The following CARHSP1 variants were observed in gnomAD, a reference collection of about 807,000 sequenced individuals.
CARHSP1 encodes calcium regulated heat stable protein 1.
A neutral mutation model predicts 12.5 loss-of-function variants in CARHSP1; 14 were observed. The ratio of observed to expected loss-of-function variants is 1.12; its 90% CI spans 0.74 to 1.75. The LOEUF is 1.75. Among genes scored for constraint, CARHSP1 ranks in the 40% most tolerant of loss-of-function variants. The probability of loss-of-function intolerance (pLI) is 0.00; values close to 1 mark genes in which losing one functional copy is unlikely to be tolerated. For synonymous variants in CARHSP1, 161 were observed against 82.0 expected (o/e 1.96, Z -5.20); for missense variants, 343 against 201.6 (o/e 1.70, Z -4.25).
At chr16:8,862,335 A>T (rs971243503) in intron 1 of CARHSP1, among the ~76,000 whole-genome samples, 20 of 152,056 alleles carry the variant, frequency 1.3e-4, no homozygotes, top group Admixed American at 6.6e-5. Flanking sequence ...CACACTAAGC[A>T]CTGGGCACAC....
At chr16:8,866,507 C>T in intron 1 of CARHSP1, 1 of 982,552 alleles carries the variant, frequency 1.0e-6, no homozygotes, top group Non-Finnish European at 1.2e-6. Context: ...GAGCCCCAGC[C>T]TGGGAGAACT....
Position 8,854,207 on chromosome 16 carries a change from A to C in CARHSP1, c.*957T>G, listed in dbSNP as rs1016439131. The C allele has an allele frequency of 6.6e-6, 1 of 152,168 alleles. No homozygotes were observed. The highest frequency in any genetic ancestry group is 1.5e-5 in the Non-Finnish European group (1 of 68,004). 9.4% of individuals were successfully genotyped at this position (152,168 alleles called of 1,614,324 possible). A position where few individuals can be genotyped will look rare whatever the true frequency, so the allele number is the denominator to read the frequency against. On this transcript the variant is annotated 3_prime_UTR_variant, in exon 4 of 4. Transcript: ENST00000311052. ...CTAAGCATTTCTTAACACTAGTTTT[A>C]AAGAAAACCCCCTCTCCAAAGGTAT...
intron 2 of CARHSP1, 49 bp downstream of exon 2, chr16:8,859,122 A>T: frequency 6.6e-7 from 1 of 1,505,524 alleles, no homozygotes; most frequent in Non-Finnish European, 9.0e-7. Context: ...CTCTGGCCTC[A>T]GGCAAGAGAT....
At chr16:8,861,483 C>G (rs189265889) in intron 1 of CARHSP1, among the ~76,000 whole-genome samples, 35 of 152,014 alleles carry the variant, frequency 2.3e-4, no homozygotes, top group African/African-American at 8.0e-4. Context: ...CCGCACCCCC[C>G]GAACCGCCTT....
chr16:8,855,618 T>G (rs1308132668), intron 3 of CARHSP1, among the ~76,000 whole-genome samples: 1 of 152,090 alleles, frequency 6.6e-6, no homozygotes, highest in Admixed American at 6.5e-5. Context: ...ACATGAAATG[T>G]GGGAGGGAGC....
chr16:8,867,928 G>C (rs1168885012), intron 1 of CARHSP1: 2 of 152,318 alleles, frequency 1.3e-5, no homozygotes, highest in Non-Finnish European at 2.9e-5. Flanking sequence ...GTAGATCTAA[G>C]CGGATTGTTT....
At chr16:8,864,074 C>T (rs1285484168) in intron 1 of CARHSP1, among the ~76,000 whole-genome samples, 2 of 152,188 alleles carry the variant, frequency 1.3e-5, no homozygotes, top group African/African-American at 4.8e-5. Flanking sequence ...CAAACTTCGA[C>T]CAAATGTCAC....
At chr16:8,868,315 C>G (rs943574722) in intron 1 of CARHSP1, 1 of 152,150 alleles carries the variant, frequency 6.6e-6, no homozygotes, top group East Asian at 1.9e-4. Context: ...ATTTCACTTC[C>G]GGCCTGCAAA....
chr16:8,862,160 G>A (rs902835013), intron 1 of CARHSP1, among the ~76,000 whole-genome samples: 3 of 151,650 alleles, frequency 2.0e-5, no homozygotes, highest in East Asian at 1.9e-4. Flanking sequence ...CCGCCATCAC[G>A]CCCGGCTAAT....
At chr16:8,858,211 C>T in intron 3 of CARHSP1, 139 bp downstream of exon 3, 3 of 1,019,194 alleles carry the variant, frequency 2.9e-6, no homozygotes, top group Non-Finnish European at 4.2e-6. Flanking sequence ...GCTGGAGCAC[C>T]AGCCACAGGC....
At chr16:8,858,321 C>A in intron 3 of CARHSP1, 29 bp downstream of exon 3, 1 of 1,609,306 alleles carries the variant, frequency 6.2e-7, no homozygotes. Flanking sequence ...CCACCCCAGC[C>A]AGGCCACCCA....
chr16:8,860,134 G>C, intron 1 of CARHSP1: 1 of 985,472 alleles, frequency 1.0e-6, no homozygotes, highest in Non-Finnish European at 1.2e-6. Flanking sequence ...CCAGGGAACT[G>C]TGGAACACGT....
chr16:8,859,409 T>C lies in CARHSP1; in HGVS notation c.-7-74A>G, dbSNP rs577673660. ...CCCTGTGCTTACCCCCATGTCCACG[T>C]CTGACAGTCCAGTATCTGAGGCTCA... On this transcript the variant is annotated intron_variant, in intron 1 of 3. Transcript: ENST00000311052. 4 of 1,338,994 alleles carry C rather than the reference T, an allele frequency of 3.0e-6. No individual in the cohort carries two copies. The East Asian group carries it at 1.0e-4, about 33-fold the overall frequency. The allele number at this position is 1,338,994 out of a possible 1,614,324, so 82.9% of individuals were successfully genotyped here. A position where few individuals can be genotyped will look rare whatever the true frequency, so the allele number is the denominator to read the frequency against.
intron 2 of CARHSP1, 87 bp from the exon 3 acceptor site, chr16:8,858,559 C>A: frequency 6.5e-7 from 1 of 1,528,876 alleles, no homozygotes; most frequent in South Asian, 1.2e-5. Flanking sequence ...AGCTGTGCCC[C>A]ATCAAGCCCT....
chr16:8,867,931 G>A (rs2061476853), intron 1 of CARHSP1: 1 of 152,356 alleles, frequency 6.6e-6, no homozygotes, highest in Non-Finnish European at 1.5e-5. Context: ...GATCTAAGCG[G>A]ATTGTTTTTC....
intron 1 of CARHSP1, among the ~76,000 whole-genome samples, chr16:8,861,199 T>TTTTTTTTTTTTTTTTTA (rs1567187143): frequency 1.7e-5 from 1 of 60,570 alleles, no homozygotes; most frequent in Non-Finnish European, 3.2e-5. Flanking sequence ...TTTTTTTTTT[T>TTTTTTTTTTTTTTTTTA]ATAGAGACAG....
At position 8,858,425 on chromosome 16, in the gene CARHSP1, C is replaced by T. The variant is rs369859298; in HGVS notation, c.206G>A (p.Cys69Tyr). 271 of 1,613,926 alleles carry T rather than the reference C, an allele frequency of 1.7e-4. 2 individuals are homozygous for T. The highest frequency in any genetic ancestry group is 1.6e-4 in the Non-Finnish European group (191 of 1,180,024). ...QGPVYKGVCK[C>Y]FCRSKGHGFI... Reference sequence around the variant, plus strand: ...GCCATGGCCCTTGGACCGGCAGAAGCATTTGCAGACTCCTTTGTAGACGGG... The same window carrying T: ...GCCATGGCCCTTGGACCGGCAGAAGTATTTGCAGACTCCTTTGTAGACGGG... Residue 69 changes from cysteine (C) to tyrosine (Y), a missense_variant, in exon 3 of 4, where the codon TGC (cysteine) becomes TAC (tyrosine). Cys to Tyr is a radical substitution (Grantham distance 194, BLOSUM62 -2). Coordinates refer to ENST00000311052, the MANE Select transcript of CARHSP1 (RefSeq NM_014316.4).
chr16:8,866,270 G>A (rs1047564916), intron 1 of CARHSP1, among the ~76,000 whole-genome samples: 2 of 152,188 alleles, frequency 1.3e-5, no homozygotes, highest in Admixed American at 6.5e-5. Flanking sequence ...TTTCTAAGGC[G>A]CTCCCAGTGA....
chr16:8,862,613 C>T (rs1402790784), intron 1 of CARHSP1, among the ~76,000 whole-genome samples: 2 of 152,120 alleles, frequency 1.3e-5, no homozygotes, highest in African/African-American at 4.8e-5. Flanking sequence ...CCTGCAGGAC[C>T]CTGAACAGCA....
Sources: allele counts gnomAD v4.1 joint callset (sites outside exome capture counted in the v4.1 genomes callset), GRCh38; gene constraint gnomAD v4.1.1; transcripts MANE v1.5; gene names NCBI Gene and HGNC (gene_info 2026-07-23, HGNC 2026-07-21).